SAMSN1: variants seen among roughly 807,000 people sequenced by gnomAD.
SAMSN1 encodes the protein SAM domain, SH3 domain and nuclear localization signals 1.
In SAMSN1, 31 loss-of-function variants were observed where a neutral mutation model predicts 42.0. The observed-to-expected ratio is 0.74, with a 90% CI of 0.55 to 1.00. SAMSN1 has a LOEUF of 1.00. Among genes scored for constraint, SAMSN1 ranks in the 50% least tolerant of loss-of-function variants. The pLI is 0.00. For missense variants in SAMSN1, 464 were observed against 439.4 expected (o/e 1.06, Z -0.50); for synonymous variants, 178 against 151.9 (o/e 1.17, Z -1.26).
intron 1 of SAMSN1, among the ~76,000 whole-genome samples, chr21:14,534,482 A>C (rs2123108958): frequency 6.6e-6 from 1 of 152,174 alleles, no homozygotes; most frequent in South Asian, 2.1e-4. Context: ...AGAAATGTGG[A>C]ACAAGCACAA....
intron 2 of SAMSN1, among the ~76,000 whole-genome samples, chr21:14,570,466 C>T (rs1392289428): frequency 6.6e-6 from 1 of 152,144 alleles, no homozygotes; most frequent in South Asian, 2.1e-4. Flanking sequence ...ACTATGGTGG[C>T]TATGAGTTTC....
At chr21:14,490,683 C>T (rs77998753) in intron 7 of SAMSN1, among the ~76,000 whole-genome samples, 3,200 of 152,236 alleles carry the variant, frequency 0.021, 43 homozygotes, top group East Asian at 0.043. Context: ...AACACAACAA[C>T]AAATTAAGAA....
intron 7 of SAMSN1, among the ~76,000 whole-genome samples, chr21:14,491,383 C>T (rs1007897830): frequency 6.6e-6 from 1 of 151,968 alleles, no homozygotes; most frequent in Non-Finnish European, 1.5e-5. Flanking sequence ...GGTGGGATTA[C>T]AGGCATAAGC....
chr21:14,527,824 C>G (rs1978972811), intron 1 of SAMSN1, among the ~76,000 whole-genome samples: 1 of 148,000 alleles, frequency 6.8e-6, no homozygotes, highest in African/African-American at 2.5e-5. Context: ...TTATTCATAC[C>G]AGCTTATTTT....
At chr21:14,488,948 C>T (rs1451975534) in intron 7 of SAMSN1, among the ~76,000 whole-genome samples, 3 of 152,130 alleles carry the variant, frequency 2.0e-5, no homozygotes, top group Admixed American at 6.6e-5. Flanking sequence ...AAAGCTATAT[C>T]GCATTCACTT....
chr21:14,526,091 C>T (rs1234644910), intron 1 of SAMSN1, among the ~76,000 whole-genome samples: 6 of 152,136 alleles, frequency 3.9e-5, no homozygotes, highest in Non-Finnish European at 8.8e-5. Context: ...TGATGTTGAA[C>T]TCCTGACCTC....
chr21:14,548,494 C>A (rs899857913), upstream of SAMSN1, among the ~76,000 whole-genome samples: 1 of 151,988 alleles, frequency 6.6e-6, no homozygotes, highest in Non-Finnish European at 1.5e-5. Context: ...CTCAAGCAAA[C>A]AAAAAATATA....
At chr21:14,529,967 A>G (rs921268365) in intron 1 of SAMSN1, among the ~76,000 whole-genome samples, 3 of 152,128 alleles carry the variant, frequency 2.0e-5, no homozygotes, top group Non-Finnish European at 4.4e-5. Context: ...TCACTTAACC[A>G]TTTTCAAAAA....
At chr21:14,572,076 G>A (rs539504898) in intron 2 of SAMSN1, among the ~76,000 whole-genome samples, 1 of 152,288 alleles carries the variant, frequency 6.6e-6, no homozygotes, top group South Asian at 2.1e-4. Context: ...TGGCCACACA[G>A]CTCAGGGAAA....
intron 1 of SAMSN1, among the ~76,000 whole-genome samples, chr21:14,530,059 G>A (rs536896842): frequency 6.6e-6 from 1 of 152,320 alleles, no homozygotes; most frequent in South Asian, 2.1e-4. Flanking sequence ...GCTCACGCCT[G>A]CAATCCCAGC....
At chr21:14,617,259 C>A (rs953627956) in intron 2 of SAMSN1, among the ~76,000 whole-genome samples, 1 of 152,110 alleles carries the variant, frequency 6.6e-6, no homozygotes, top group African/African-American at 2.4e-5. Flanking sequence ...GTCAGATGGA[C>A]CACTCCTTCC....
At chr21:14,508,520 C>T (rs565563890) in intron 5 of SAMSN1, among the ~76,000 whole-genome samples, 1 of 152,300 alleles carries the variant, frequency 6.6e-6, no homozygotes, top group Non-Finnish European at 1.5e-5. Flanking sequence ...CAGCTTACCC[C>T]TGCAAGTATG....
chr21:14,628,341 C>G (rs9983376), intron 2 of SAMSN1, among the ~76,000 whole-genome samples: 1,955 of 152,122 alleles, frequency 0.013, 44 homozygotes, highest in African/African-American at 0.045. Context: ...TTACTCTGAT[C>G]TGATCACTAT....
Position 14,604,918 on chromosome 21 carries a change from C to T in SAMSN1, c.323-2819G>A, listed in dbSNP as rs118087501. ...CCAGTTCCCCAAATGAATTACTGAT[C>T]TGCAAGTGTGTGAGCCTAATAAGAT... On this transcript the variant is annotated intron_variant, in intron 5 of 15. Transcript: ENST00000647101. Among the ~76,000 whole-genome samples the T allele has an allele frequency of 2.8e-3, 426 of 152,338 alleles. 19 individuals carry two copies. The East Asian group carries it at 0.072, about 26-fold the overall frequency.
chr21:14,608,477 A>C (rs2123317593), intron 5 of SAMSN1, among the ~76,000 whole-genome samples: 1 of 152,338 alleles, frequency 6.6e-6, no homozygotes, highest in African/African-American at 2.4e-5. Context: ...TGGGGTCCTA[A>C]GTAAACTTGA....
chr21:14,645,849 C>A lies in SAMSN1; in HGVS notation c.25-2716G>T, dbSNP rs372167349. ...AAAGAATCAAGCAGAAATCCTGGAA[C>A]TGAAAAATGCAATTGGCACACTGAA... On this transcript the variant is annotated intron_variant, in intron 1 of 15. Transcript: ENST00000647101. Among the ~76,000 whole-genome samples, 10 of 152,112 alleles carry A rather than the reference C, an allele frequency of 6.6e-5. No individual in the cohort carries two copies. The East Asian group carries it at 1.9e-3, about 29-fold the overall frequency.
At chr21:14,642,971 A>T (rs1352078579) in intron 2 of SAMSN1, 1 of 714,188 alleles carries the variant, frequency 1.4e-6, no homozygotes, top group Non-Finnish European at 2.6e-6. Context: ...ATAGAGAAAA[A>T]AAAATCCACT....
chr21:14,643,184 T>C, intron 1 of SAMSN1: 1 of 706,938 alleles, frequency 1.4e-6, no homozygotes, highest in Non-Finnish European at 2.6e-6. Context: ...ATAATTTTCC[T>C]TTAAAAGGTA....
Position 14,561,041 on chromosome 21 carries a change from C to T in SAMSN1, c.261+21095G>A, listed in dbSNP as rs548658057. On this transcript the variant is annotated intron_variant, in intron 2 of 8. Transcript: ENST00000285670. Reference sequence around the variant, plus strand: ...ACACAGTTTCTACCATTCCTTACTGCTCAGGGGTCATGTAGCCAGAGGTTA... The same window carrying T: ...ACACAGTTTCTACCATTCCTTACTGTTCAGGGGTCATGTAGCCAGAGGTTA... Among the ~76,000 whole-genome samples, 8 of 152,282 alleles carry T rather than the reference C, an allele frequency of 5.3e-5. 1 individual carries two copies. The East Asian group carries it at 1.4e-3, about 26-fold the overall frequency.
Sources: allele counts gnomAD v4.1 joint callset (sites outside exome capture counted in the v4.1 genomes callset), GRCh38; gene constraint gnomAD v4.1.1; transcripts MANE v1.5; gene names NCBI Gene and HGNC (gene_info 2026-07-23, HGNC 2026-07-21).